The following BORCS5 variants were observed in gnomAD, a reference collection of about 807,000 sequenced individuals.
BORCS5 encodes BLOC-1 related complex subunit 5.
BORCS5 carries 17 observed loss-of-function variants against 22.1 expected under a neutral mutation model. That is an observed-to-expected ratio of 0.77 (90% confidence interval 0.53 to 1.15). The LOEUF is 1.15. Among genes scored for constraint, BORCS5 ranks in the 50% most tolerant of loss-of-function variants. The pLI is 0.00. For synonymous variants in BORCS5, 117 were observed against 99.8 expected (o/e 1.17, Z -1.03); for missense variants, 247 against 253.2 (o/e 0.98, Z 0.17).
intron 2 of BORCS5, among the ~76,000 whole-genome samples, chr12:12,383,014 G>A (rs969138929): frequency 6.6e-6 from 1 of 151,204 alleles, no homozygotes; most frequent in African/African-American, 2.4e-5. Context: ...GGTTAGATTT[G>A]CCTTTTTATT....
chr12:12,429,570 G>A (rs996840435), intron 2 of BORCS5, among the ~76,000 whole-genome samples: 8 of 150,900 alleles, frequency 5.3e-5, no homozygotes, highest in Non-Finnish European at 1.0e-4. Flanking sequence ...TGATTTATAA[G>A]AATGACTTAA....
chr12:12,443,893 T>C (rs1023352976), intron 3 of BORCS5, among the ~76,000 whole-genome samples: 2 of 152,144 alleles, frequency 1.3e-5, no homozygotes, highest in East Asian at 1.9e-4. Flanking sequence ...GAGCGGGCAG[T>C]GTCAGAGGTC....
intron 2 of BORCS5, among the ~76,000 whole-genome samples, chr12:12,408,001 G>A (rs2417186): frequency 0.31 from 47,305 of 151,960 alleles, 7,700 homozygotes; most frequent in Admixed American, 0.35. Context: ...GAGCCACCGC[G>A]CCTGGCCAAA....
intron 3 of BORCS5, among the ~76,000 whole-genome samples, chr12:12,460,259 G>T (rs532443197): frequency 1.3e-5 from 2 of 152,296 alleles, no homozygotes; most frequent in African/African-American, 4.8e-5. Flanking sequence ...AGTATTTCAT[G>T]TTGCCGACGC....
At chr12:12,422,033 T>G (rs1942137996) in intron 2 of BORCS5, among the ~76,000 whole-genome samples, 1 of 152,304 alleles carries the variant, frequency 6.6e-6, no homozygotes, top group African/African-American at 2.4e-5. Context: ...TTTTAAGGGT[T>G]TTTATGTCTC....
At chr12:12,369,346 T>C (rs561875587) in intron 2 of BORCS5, among the ~76,000 whole-genome samples, 4 of 152,266 alleles carry the variant, frequency 2.6e-5, no homozygotes, top group South Asian at 4.1e-4. Context: ...GTAGACAGCA[T>C]ATAGTAGGGT....
chr12:12,465,792 C>T lies in BORCS5; in HGVS notation c.*16C>T. On this transcript the variant is annotated 3_prime_UTR_variant, in exon 4 of 4. Transcript: ENST00000314565. The stretch of plus-strand genomic sequence containing the variant: ...CAGGCTGTAGCTGCTGCCCGGCCTG[C>T]CTGGGGCTGGGAGCCCCAGACACCG... 1 of 1,601,074 alleles carries T rather than the reference C, an allele frequency of 6.2e-7. No homozygotes were observed.
rs150375458 is a variant in BORCS5 at position 12,470,465 on chromosome 12, C to A, written c.*4689C>A. Among the ~76,000 whole-genome samples the A allele has an allele frequency of 3.3e-5, 5 of 152,210 alleles. No individual in the cohort carries two copies. The highest frequency in any genetic ancestry group is 1.2e-4 in the African/African-American group (5 of 41,544). ...ACCCAGCATTAGACTCCCCTAAGAG[C>A]GTGAACCCTATTGTGAACTGCGCAC... On this transcript the variant is annotated 3_prime_UTR_variant, in exon 4 of 4. Coordinates refer to ENST00000314565, the MANE Select transcript of BORCS5 (RefSeq NM_058169.6).
intron 2 of BORCS5, among the ~76,000 whole-genome samples, chr12:12,402,698 G>T (rs749525561): frequency 6.6e-6 from 1 of 152,156 alleles, no homozygotes; most frequent in Non-Finnish European, 1.5e-5. Context: ...GTCCAAATTT[G>T]ATTCCCTGTC....
At chr12:12,408,167 G>A (rs938693797) in intron 2 of BORCS5, among the ~76,000 whole-genome samples, 4 of 152,088 alleles carry the variant, frequency 2.6e-5, no homozygotes, top group African/African-American at 9.7e-5. Context: ...ATTCTATTAT[G>A]TGTATATACC....
chr12:12,366,235 A>G (rs184161089), intron 2 of BORCS5, among the ~76,000 whole-genome samples: 102 of 152,376 alleles, frequency 6.7e-4, no homozygotes, highest in Middle Eastern at 3.4e-3. Context: ...TTTCAAAACA[A>G]TATATTGAAG....
chr12:12,451,475 T>C (rs1476312533), intron 3 of BORCS5, among the ~76,000 whole-genome samples: 4 of 152,186 alleles, frequency 2.6e-5, no homozygotes, highest in Admixed American at 2.0e-4. Context: ...TTTAAAACAC[T>C]GTAGTAGCCA....
chr12:12,420,139 G>T (rs1325822355), intron 2 of BORCS5, among the ~76,000 whole-genome samples: 1 of 147,466 alleles, frequency 6.8e-6, no homozygotes, highest in African/African-American at 2.6e-5. Flanking sequence ...GTCCTGAATG[G>T]TATTGCCTAG....
intron 3 of BORCS5, among the ~76,000 whole-genome samples, chr12:12,454,336 A>C (rs982572257): frequency 2.0e-5 from 3 of 152,324 alleles, no homozygotes; most frequent in South Asian, 2.1e-4. Flanking sequence ...ACCCTCACTA[A>C]CATTTGTCAT....
intron 2 of BORCS5, among the ~76,000 whole-genome samples, chr12:12,406,645 CAAAA>C (rs35161065): frequency 6.7e-6 from 1 of 150,102 alleles, no homozygotes; most frequent in East Asian, 2.0e-4. Context: ...AACAAACAAA[CAAAA>C]AAAAAACGTG....
intron 2 of BORCS5, among the ~76,000 whole-genome samples, chr12:12,410,871 C>G (rs1286977835): frequency 1.3e-5 from 2 of 151,986 alleles, no homozygotes; most frequent in Admixed American, 1.3e-4. Context: ...ATGGAATGTT[C>G]TTCCATTTGT....
intron 2 of BORCS5, among the ~76,000 whole-genome samples, chr12:12,414,465 G>T (rs1202241624): frequency 1.2e-5 from 1 of 85,778 alleles, no homozygotes; most frequent in African/African-American, 5.0e-5. Context: ...GGACGGGGCG[G>T]CTGGCTGGGC....
At chr12:12,432,107 C>T (rs1017705402) in intron 2 of BORCS5, among the ~76,000 whole-genome samples, 2 of 152,216 alleles carry the variant, frequency 1.3e-5, no homozygotes, top group Non-Finnish European at 2.9e-5. Context: ...TTTTTATTTT[C>T]CTCAGATTTT....
chr12:12,460,455 T>A (rs77561248), intron 3 of BORCS5, among the ~76,000 whole-genome samples: 2,020 of 152,354 alleles, frequency 0.013, 37 homozygotes, highest in African/African-American at 0.046. Flanking sequence ...ACCCTTTTGC[T>A]TATTCCTTTC....
Sources: allele counts gnomAD v4.1 joint callset (sites outside exome capture counted in the v4.1 genomes callset), GRCh38; gene constraint gnomAD v4.1.1; transcripts MANE v1.5; gene names NCBI Gene and HGNC (gene_info 2026-07-23, HGNC 2026-07-21).